Variants in C6orf89 observed in about 807,000 individuals in gnomAD.
The protein encoded by C6orf89 is bombesin receptor-activated protein C6orf89.
A neutral mutation model predicts 40.7 loss-of-function variants in C6orf89; 29 were observed. The ratio of observed to expected loss-of-function variants is 0.71; its 90% CI spans 0.53 to 0.97. The LOEUF (loss-of-function observed/expected upper bound fraction) is 0.97. Among genes scored for constraint, C6orf89 ranks in the 50% least tolerant of loss-of-function variants. The pLI is 0.00. For synonymous variants in C6orf89, 165 were observed against 152.2 expected (o/e 1.08, Z -0.62); for missense variants, 392 against 429.1 (o/e 0.91, Z 0.76).
chr6:36,899,724 T>C lies in C6orf89; in HGVS notation c.189+91T>C. 3 of 1,254,446 alleles carry C rather than the reference T, an allele frequency of 2.4e-6. No homozygotes were observed. The South Asian group carries it at 3.9e-5, about 16-fold the overall frequency. The allele number at this position is 1,254,446 out of a possible 1,614,324, so 77.7% of individuals were successfully genotyped here. A position where few individuals can be genotyped will look rare whatever the true frequency, so the allele number is the denominator to read the frequency against. ...TGCTATTGTTGACTAATCCCACCAC[T>C]GAGCATTGGTTTTTCCGTGAATAAA... is the stretch of plus-strand genomic sequence containing the variant. On this transcript the variant is annotated intron_variant, in intron 3 of 8. Transcript: ENST00000480824.
At chr6:36,872,603 G>A (rs1399010817) in intron 1 of C6orf89, among the ~76,000 whole-genome samples, 2 of 151,546 alleles carry the variant, frequency 1.3e-5, no homozygotes, top group African/African-American at 4.8e-5. Flanking sequence ...TAAGCTCCAA[G>A]GATGTGACAA....
chr6:36,916,328 CAT>C, intron 6 of C6orf89, 115 bp from the exon 7 acceptor site: 1 of 1,128,030 alleles, frequency 8.9e-7, no homozygotes, highest in South Asian at 1.4e-5. Flanking sequence ...ATACTGTACT[CAT>C]ATTTTTCCCT....
intron 4 of C6orf89, among the ~76,000 whole-genome samples, chr6:36,909,181 G>GT (rs67631050): frequency 0.2 from 27,126 of 137,396 alleles, 2,942 homozygotes; most frequent in East Asian, 0.33. Context: ...GTTGTTGTGG[G>GT]TTTTTTTTTT....
At chr6:36,889,091 G>GT in intron 1 of C6orf89, among the ~76,000 whole-genome samples, 1 of 152,318 alleles carries the variant, frequency 6.6e-6, no homozygotes, top group Non-Finnish European at 1.5e-5. Context: ...GGTGGTCAAA[G>GT]TGTTGGAGGG....
intron 1 of C6orf89, among the ~76,000 whole-genome samples, chr6:36,887,119 GTT>G (rs543966667): frequency 7.0e-6 from 1 of 142,254 alleles, no homozygotes. Flanking sequence ...GCGTTTTTTT[GTT>G]TTTTTTTTTT....
intron 7 of C6orf89, 141 bp downstream of exon 7, chr6:36,916,715 C>T (rs1215289846): frequency 2.1e-6 from 2 of 948,798 alleles, no homozygotes; most frequent in Non-Finnish European, 3.1e-6. Context: ...TCTAGTTCTC[C>T]CCTCCTGCTG....
At chr6:36,889,941 T>A (rs965467614) in intron 1 of C6orf89, among the ~76,000 whole-genome samples, 2 of 152,242 alleles carry the variant, frequency 1.3e-5, no homozygotes, top group Admixed American at 6.5e-5. Flanking sequence ...TAGCCAAATG[T>A]AAACAACTGG....
At chr6:36,900,391 A>ATGG (rs1491167184) in intron 3 of C6orf89, among the ~76,000 whole-genome samples, 5 of 146,242 alleles carry the variant, frequency 3.4e-5, no homozygotes, top group South Asian at 2.2e-4. Context: ...TAGTAGAGAC[A>ATGG]GGGTTTCTCC....
chr6:36,905,312 C>G (rs920958060), intron 4 of C6orf89, among the ~76,000 whole-genome samples: 4 of 152,286 alleles, frequency 2.6e-5, no homozygotes, highest in African/African-American at 9.6e-5. Flanking sequence ...AGTCTGAGCC[C>G]TTCGCCTCTG....
intron 1 of C6orf89, among the ~76,000 whole-genome samples, chr6:36,889,676 G>T (rs1376845647): frequency 6.6e-6 from 1 of 152,002 alleles, no homozygotes; most frequent in East Asian, 1.9e-4. Flanking sequence ...TGTGGTCATT[G>T]GTTGGATCCT....
upstream of C6orf89, among the ~76,000 whole-genome samples, chr6:36,882,480 G>A (rs1337724259): frequency 6.6e-6 from 1 of 152,202 alleles, no homozygotes; most frequent in Admixed American, 6.5e-5. Context: ...GAAGAACCAG[G>A]ATGGCCACCT....
At position 36,899,480 on chromosome 6, in the gene C6orf89, C is replaced by G. The variant is rs772035548; in HGVS notation, c.36C>G (p.Asp12Glu). The change falls in exon 3 of 9, where the codon GAC becomes GAG. Residue 12 changes from aspartate (D) to glutamate (E), a missense_variant. Asp to Glu is a conservative substitution (Grantham distance 45, BLOSUM62 2). Coordinates refer to ENST00000480824, the MANE Select transcript of C6orf89 (RefSeq NM_001286635.2). Reference protein sequence around the residue: ...DLAANEISIYDKLSETVDLVR... With the variant: ...DLAANEISIYEKLSETVDLVR... Reference sequence around the variant, plus strand: ...CTGCCAACGAGATCAGCATTTATGACAAACTTTCAGAGACTGTTGATTTGG... The same window carrying G: ...CTGCCAACGAGATCAGCATTTATGAGAAACTTTCAGAGACTGTTGATTTGG... 1.7e-5 allele frequency: 28 copies of G among 1,614,070 alleles called. No individual in the cohort carries two copies. The highest frequency in any genetic ancestry group is 2.3e-5 in the Non-Finnish European group (27 of 1,180,032).
intron 7 of C6orf89, among the ~76,000 whole-genome samples, chr6:36,917,798 T>A (rs1197813977): frequency 7.0e-6 from 1 of 141,888 alleles, no homozygotes; most frequent in Non-Finnish European, 1.5e-5. Context: ...AATATAATTC[T>A]GGGACACGGC....
intron 1 of C6orf89, among the ~76,000 whole-genome samples, chr6:36,878,817 T>G (rs1269272425): frequency 2.0e-5 from 3 of 152,238 alleles, no homozygotes; most frequent in Non-Finnish European, 4.4e-5. Flanking sequence ...CCAATCTCGC[T>G]GTTTCTGTAC....
In C6orf89 at chr6:36,907,984, A is replaced by T. The variant is rs116689922; in HGVS notation, c.403+5550A>T. Among the ~76,000 whole-genome samples, 878 of 152,272 alleles carry T rather than the reference A, an allele frequency of 5.8e-3. 7 individuals are homozygous for T. Among genetic ancestry groups the T allele is most frequent in the African/African-American group, 0.019 (793 of 41,542 alleles). ...AACACGTCAGACAAAACCTTTTCAG[A>T]TGGACAGAGGCCAAGCTGGAGTCTG... On this transcript the variant is annotated intron_variant, in intron 4 of 8. Transcript: ENST00000480824.
chr6:36,882,724 TTTC>T (rs1183038428), upstream of C6orf89, among the ~76,000 whole-genome samples: 17 of 66,530 alleles, frequency 2.6e-4, 1 homozygote, highest in East Asian at 0.016. Context: ...TTTTTTTTTT[TTTC>T]TTTTTTCTTT....
At position 36,923,423 on chromosome 6, in the gene C6orf89, C is replaced by A; in HGVS notation, c.1026C>A (p.Thr342=). The A allele has an allele frequency of 6.2e-7, 1 of 1,613,626 alleles. No homozygotes were observed. Among genetic ancestry groups the A allele is most frequent in the Non-Finnish European group, 8.5e-7 (1 of 1,179,538 alleles). Reference sequence around the variant, plus strand: ...AGCCTTTGGTCATCTGCGATGGAACCGCTTTCTCAGAACTGTAGGAAATAG... The same window carrying A: ...AGCCTTTGGTCATCTGCGATGGAACAGCTTTCTCAGAACTGTAGGAAATAG... ...GVQPLVICDG[T]AFSEL Residue 342 remains threonine (T), a synonymous_variant, in exon 9 of 9, where the codon ACC becomes ACA. Coordinates refer to ENST00000480824, the MANE Select transcript of C6orf89 (RefSeq NM_001286635.2).
At chr6:36,923,233 T>C in intron 8 of C6orf89, 114 bp from the exon 9 acceptor site, 1 of 666,418 alleles carries the variant, frequency 1.5e-6, no homozygotes, top group Non-Finnish European at 2.6e-6. Flanking sequence ...AGATTTGTCT[T>C]TGACTCTGCA....
At chr6:36,873,334 A>G (rs79809702) in intron 1 of C6orf89, among the ~76,000 whole-genome samples, 10,833 of 152,312 alleles carry the variant, frequency 0.071, 554 homozygotes, top group Admixed American at 0.11. Context: ...AATGTCCTTG[A>G]AATAGGAAAT....
Sources: allele counts gnomAD v4.1 joint callset (sites outside exome capture counted in the v4.1 genomes callset), GRCh38; gene constraint gnomAD v4.1.1; transcripts MANE v1.5; gene names NCBI Gene and HGNC (gene_info 2026-07-23, HGNC 2026-07-21).